STAB2: variants seen among roughly 807,000 people sequenced by gnomAD.
The protein encoded by STAB2 is stabilin-2.
STAB2 carries 288 observed loss-of-function variants against 338.1 expected under a neutral mutation model. The ratio of observed to expected loss-of-function variants is 0.85; its 90% CI spans 0.77 to 0.94. STAB2 has a LOEUF of 0.94. Ranked by LOEUF, STAB2 falls within the 40% of genes least tolerant of loss-of-function variation. The probability of loss-of-function intolerance (pLI) is 0.00; values close to 1 mark genes in which losing one functional copy is unlikely to be tolerated. For synonymous variants in STAB2, 1,202 were observed against 1,193.3 expected, an observed-to-expected ratio of 1.01 and a Z score of -0.15; for missense variants, 3,141 against 3,210.1, an observed-to-expected ratio of 0.98 and a Z score of 0.52.
intron 39 of STAB2, 35 bp from the exon 40 acceptor site, chr12:103,711,436 A>G: frequency 1.2e-6 from 2 of 1,613,680 alleles, no homozygotes; most frequent in Non-Finnish European, 1.7e-6. Context: ...AGATTTAGTA[A>G]GAGGGCTAAG....
rs552499766 is a variant in STAB2, at chr12:103,612,505, C to A, written c.332-7963C>A. ...GCTACTGAAGCTTGTGCATGCATCA[C>A]GTAGTTCTTGTGCCATAGTTTTCAG... On this transcript the variant is annotated intron_variant, in intron 3 of 68. Transcript: ENST00000388887. 3.3e-5 allele frequency among the ~76,000 whole-genome samples: 5 copies of A among 152,322 alleles called. No individual in the cohort carries two copies. The East Asian group carries it at 5.8e-4, about 18-fold the overall frequency.
intron 2 of STAB2, 120 bp downstream of exon 2, chr12:103,591,150 G>C (rs116932915): frequency 9.8e-6 from 13 of 1,333,274 alleles, no homozygotes; most frequent in South Asian, 3.9e-5. Context: ...CCCAAACTTA[G>C]GTAACTCACA....
At chr12:103,715,716 C>G in intron 42 of STAB2, 99 bp from the exon 43 acceptor site, 1 of 1,349,438 alleles carries the variant, frequency 7.4e-7, no homozygotes, top group Non-Finnish European at 1.1e-6. Flanking sequence ...GACACCCGCT[C>G]CCTTCAGTCA....
At chr12:103,746,573 T>A in intron 57 of STAB2, 24 bp from the exon 58 acceptor site, 1 of 1,609,880 alleles carries the variant, frequency 6.2e-7, no homozygotes, top group Non-Finnish European at 8.5e-7. Flanking sequence ...GGGTACAGAA[T>A]GAAAGTGGCC....
chr12:103,666,182 T>C, intron 18 of STAB2, 109 bp from the exon 19 acceptor site: 1 of 1,070,084 alleles, frequency 9.3e-7, no homozygotes, highest in Non-Finnish European at 1.4e-6. Context: ...GGATCATGGC[T>C]CAGTGGGGTT....
At chr12:103,636,939 G>A (rs7959003) in intron 6 of STAB2, among the ~76,000 whole-genome samples, 172 bp from the exon 7 acceptor site, 3,174 of 152,102 alleles carry the variant, frequency 0.021, 100 homozygotes, top group African/African-American at 0.069. Context: ...TGATGATATC[G>A]GTAAATTTGG....
intron 18 of STAB2, among the ~76,000 whole-genome samples, chr12:103,665,831 A>G (rs1875039473): frequency 6.6e-6 from 1 of 152,244 alleles, no homozygotes; most frequent in South Asian, 2.1e-4. Context: ...AGGAGAATCC[A>G]GGAGACTGAA....
chr12:103,675,475 C>T (rs1876249450), intron 23 of STAB2, among the ~76,000 whole-genome samples: 2 of 152,198 alleles, frequency 1.3e-5, no homozygotes, highest in South Asian at 2.1e-4. Context: ...TAGAACTCTT[C>T]TTTGCTGAAC....
At chr12:103,705,569 C>T in intron 36 of STAB2, 63 bp from the exon 37 acceptor site, 1 of 1,455,824 alleles carries the variant, frequency 6.9e-7, no homozygotes, top group Non-Finnish European at 9.6e-7. Context: ...CACCTACTTG[C>T]TTTCGGAGAC....
chr12:103,592,412 C>A (rs1181110370), intron 2 of STAB2, among the ~76,000 whole-genome samples: 1 of 152,176 alleles, frequency 6.6e-6, no homozygotes, highest in African/African-American at 2.4e-5. Flanking sequence ...CACACATACA[C>A]ACACACACAG....
At chr12:103,759,017 T>C (rs1884342962) in intron 64 of STAB2, 116 bp from the exon 65 acceptor site, 2 of 1,543,398 alleles carry the variant, frequency 1.3e-6, no homozygotes, top group Admixed American at 3.4e-5. Context: ...GATCTCCACA[T>C]GGAGGCAGGA....
At chr12:103,739,541 G>T (rs879478682) in intron 54 of STAB2, 73 bp downstream of exon 54, 2 of 465,962 alleles carry the variant, frequency 4.3e-6, no homozygotes, top group Non-Finnish European at 6.8e-6. Context: ...GTGTGTGTGT[G>T]TGTGTGTGTG....
In STAB2 at chr12:103,690,450, G is replaced by A. The variant is rs749749426; in HGVS notation, c.3209G>A (p.Arg1070Lys). Residue 1070 changes from arginine to lysine, a missense_variant, in exon 30 of 69, where the codon AGA becomes AAA. By Grantham distance (26) the Arg-to-Lys change is conservative. Coordinates refer to ENST00000388887, the MANE Select transcript of STAB2 (RefSeq NM_017564.10). The part of the protein sequence containing the change: ...IKYHMLLGTY[R>K]VADLQTLSSS... ...TACCATATGCTACTAGGCACATACA[G>A]AGTGGCAGATCTGCAGACCCTGTCT... 3.3e-5 allele frequency: 53 copies of A among 1,614,072 alleles called. 2 individuals carry two copies. In the Middle Eastern group the frequency reaches 6.6e-4, roughly 20 times the overall value.
chr12:103,739,310 A>T, intron 53 of STAB2, 102 bp from the exon 54 acceptor site: 1 of 1,090,242 alleles, frequency 9.2e-7, no homozygotes, highest in Non-Finnish European at 1.3e-6. Context: ...CCAGAGTCTT[A>T]AGATTAGTTA....
chr12:103,748,472 T>C (rs936807353), intron 58 of STAB2, among the ~76,000 whole-genome samples: 1 of 152,188 alleles, frequency 6.6e-6, no homozygotes, highest in East Asian at 1.9e-4. Context: ...GGCCACATTT[T>C]AGCTGTTTTA....
intron 47 of STAB2, among the ~76,000 whole-genome samples, chr12:103,727,621 A>G (rs1021850553): frequency 2.0e-5 from 3 of 152,224 alleles, no homozygotes; most frequent in African/African-American, 7.2e-5. Context: ...TTCTCAAGTG[A>G]TTTAGACCTC....
chr12:103,742,232 T>C (rs1882640725), intron 55 of STAB2, among the ~76,000 whole-genome samples, 173 bp from the exon 56 acceptor site: 1 of 152,156 alleles, frequency 6.6e-6, no homozygotes, highest in Admixed American at 6.5e-5. Flanking sequence ...TCATATCAGA[T>C]ACCATAAAGT....
chr12:103,726,993 T>C (rs1881260310), intron 46 of STAB2, among the ~76,000 whole-genome samples: 2 of 152,196 alleles, frequency 1.3e-5, no homozygotes, highest in African/African-American at 4.8e-5. Flanking sequence ...TGCTTCTAGG[T>C]GGTGGGACTA....
At position 103,759,272 on chromosome 12, in the gene STAB2, C is replaced by A. The variant is rs200872873; in HGVS notation, c.7247C>A (p.Pro2416Gln). ...ACTGCCAGCCAGGACCCACTCCAAC[C>A]GGTACAAAGTCTTCTGGGCTTCTTG... Reference protein sequence around the residue: ...LITASQDPLQPTETRFVDGRA... With the variant: ...LITASQDPLQQTETRFVDGRA... The change falls in exon 65 of 69, where the codon CCG becomes CAG. Residue 2416 changes from proline (P) to glutamine (Q), a missense_variant and splice_region_variant. Transcript: ENST00000388887. The A allele has an allele frequency of 1.2e-6, 2 of 1,613,924 alleles. No individual in the cohort carries two copies. The highest frequency in any genetic ancestry group is 2.2e-5 in the East Asian group (1 of 44,864).
Sources: allele counts gnomAD v4.1 joint callset (sites outside exome capture counted in the v4.1 genomes callset), GRCh38; gene constraint gnomAD v4.1.1; transcripts MANE v1.5; gene names NCBI Gene and HGNC (gene_info 2026-07-23, HGNC 2026-07-21).